The following SPIDR variants were observed in gnomAD, a reference collection of about 807,000 sequenced individuals.
SPIDR encodes the protein scaffold protein involved in DNA repair, also known as DNA repair-scaffolding protein.
SPIDR carries 93 observed loss-of-function variants against 104.6 expected under a neutral mutation model. The observed-to-expected ratio is 0.89, with a 90% CI of 0.75 to 1.06. The LOEUF (loss-of-function observed/expected upper bound fraction) is 1.06. Among genes scored for constraint, SPIDR ranks in the 50% least tolerant of loss-of-function variants. The probability of loss-of-function intolerance (pLI) is 0.00; values close to 1 mark genes in which losing one functional copy is unlikely to be tolerated. For synonymous variants in SPIDR, 431 were observed against 416.9 expected (o/e 1.03, Z -0.41); for missense variants, 1,154 against 1,111.2 (o/e 1.04, Z -0.55).
chr8:47,506,416 A>C (rs1212165636), intron 8 of SPIDR, among the ~76,000 whole-genome samples: 4 of 152,170 alleles, frequency 2.6e-5, no homozygotes, highest in Non-Finnish European at 5.9e-5. Context: ...AGTTGGTTCC[A>C]CCAGTGCAGG....
intron 1 of SPIDR, among the ~76,000 whole-genome samples, chr8:47,279,621 G>T (rs1202420664): frequency 2.0e-5 from 3 of 152,140 alleles, no homozygotes; most frequent in Non-Finnish European, 4.4e-5. Flanking sequence ...CCAGACTTTG[G>T]AGGGTTGGTG....
rs1320665235 is a variant in SPIDR, at chr8:47,465,027, G to A, written c.1097+24485G>A. Among the ~76,000 whole-genome samples, 36 of 152,136 alleles carry A rather than the reference G, an allele frequency of 2.4e-4. 1 individual carries two copies. The highest frequency in any genetic ancestry group is 2.4e-3 in the Admixed American group (36 of 15,280). ...GATCCACCTGCCTCGGCCTCCCAAA[G>A]TGCTAGGATTATGGGCATGAGCCAC... On this transcript the variant is annotated intron_variant, in intron 8 of 19. Transcript: ENST00000297423.
chr8:47,414,842 C>T lies in SPIDR; in HGVS notation c.877+6881C>T, dbSNP rs553984541. On this transcript the variant is annotated intron_variant, in intron 7 of 19. Transcript: ENST00000297423. ...TTTTTATTTTTCTGGGATAAATGATCAAATGATTTAAAATGTTGGAATGTC... is the reference window on the plus strand; with the variant it reads ...TTTTTATTTTTCTGGGATAAATGATTAAATGATTTAAAATGTTGGAATGTC... Among the ~76,000 whole-genome samples, 16 of 152,212 alleles carry T rather than the reference C, an allele frequency of 1.1e-4. No individual in the cohort carries two copies. In the South Asian group the frequency reaches 3.3e-3, roughly 32 times the overall value.
intron 8 of SPIDR, among the ~76,000 whole-genome samples, chr8:47,478,550 C>G (rs782523042): frequency 6.6e-6 from 1 of 152,128 alleles, no homozygotes; most frequent in Admixed American, 6.5e-5. Flanking sequence ...CAGCATGTGC[C>G]GGAACACAGC....
intron 5 of SPIDR, among the ~76,000 whole-genome samples, chr8:47,321,209 C>A (rs1554595107): frequency 6.6e-6 from 1 of 152,130 alleles, no homozygotes; most frequent in Non-Finnish European, 1.5e-5. Context: ...CGTCTCAGCC[C>A]AAAATCTCCT....
intron 11 of SPIDR, among the ~76,000 whole-genome samples, chr8:47,685,502 T>C (rs1390540701): frequency 7.6e-6 from 1 of 131,908 alleles, no homozygotes; most frequent in Non-Finnish European, 1.7e-5. Flanking sequence ...TATTTATTTA[T>C]TTATTTATTT....
chr8:47,661,622 G>A (rs146658006), intron 10 of SPIDR, among the ~76,000 whole-genome samples: 2 of 152,354 alleles, frequency 1.3e-5, no homozygotes, highest in African/African-American at 2.4e-5. Flanking sequence ...AGCTTACTAA[G>A]GATCGTGCTG....
intron 8 of SPIDR, among the ~76,000 whole-genome samples, chr8:47,468,624 G>C (rs1343936392): frequency 2.6e-5 from 4 of 152,196 alleles, no homozygotes; most frequent in African/African-American, 9.7e-5. Context: ...TTCAATAAAT[G>C]GTGTTGGGAT....
chr8:47,316,358 A>G lies in SPIDR; in HGVS notation c.525+22328A>G, dbSNP rs182084379. On this transcript the variant is annotated intron_variant, in intron 5 of 19. Coordinates refer to ENST00000297423, the MANE Select transcript of SPIDR (RefSeq NM_001080394.4). ...GTTTTTCTACCCTAACCCATGACTT[A>G]GCAATTCTACTCCTAGTTATTTACT... Among the ~76,000 whole-genome samples, 1,489 of 152,344 alleles carry G rather than the reference A, an allele frequency of 9.8e-3. 12 individuals carry two copies. The highest frequency in any genetic ancestry group is 0.044 in the Middle Eastern group (13 of 294).
intron 1 of SPIDR, among the ~76,000 whole-genome samples, chr8:47,277,515 A>G (rs1302712825): frequency 2.0e-5 from 3 of 149,340 alleles, no homozygotes; most frequent in African/African-American, 7.4e-5. Flanking sequence ...ACAGATGAAC[A>G]TTCCCACCCC....
intron 7 of SPIDR, among the ~76,000 whole-genome samples, chr8:47,414,802 T>C (rs1174264342): frequency 3.9e-5 from 6 of 152,240 alleles, no homozygotes; most frequent in African/African-American, 1.2e-4. Flanking sequence ...ATACCAGTTT[T>C]TGAGTGAACA....
intron 14 of SPIDR, among the ~76,000 whole-genome samples, chr8:47,709,542 C>T (rs760600378): frequency 2.6e-5 from 4 of 152,216 alleles, no homozygotes; most frequent in Non-Finnish European, 4.4e-5. Flanking sequence ...TCCCAAAGTG[C>T]TGGGATTACA....
intron 5 of SPIDR, among the ~76,000 whole-genome samples, chr8:47,334,390 G>A (rs1250198148): frequency 6.6e-6 from 1 of 152,132 alleles, no homozygotes; most frequent in Non-Finnish European, 1.5e-5. Context: ...TATGATAGTG[G>A]ACTAATTTAT....
chr8:47,616,895 A>G (rs2064392230), intron 10 of SPIDR, among the ~76,000 whole-genome samples: 1 of 152,162 alleles, frequency 6.6e-6, no homozygotes, highest in Non-Finnish European at 1.5e-5. Flanking sequence ...GCAGCACCCC[A>G]TTCGTGATAG....
At chr8:47,422,829 A>G (rs2065781246) in intron 7 of SPIDR, among the ~76,000 whole-genome samples, 1 of 152,140 alleles carries the variant, frequency 6.6e-6, no homozygotes, top group Non-Finnish European at 1.5e-5. Flanking sequence ...TGTGGATGTC[A>G]GTTTTTCCTT....
At chr8:47,539,365 G>T (rs1418634743) in intron 8 of SPIDR, among the ~76,000 whole-genome samples, 1 of 152,142 alleles carries the variant, frequency 6.6e-6, no homozygotes, top group African/African-American at 2.4e-5. Context: ...TGGGTATGCA[G>T]TGCCCAGAGC....
At position 47,503,020 on chromosome 8, in the gene SPIDR, C is replaced by G. The variant is rs569161855; in HGVS notation, c.1097+62478C>G. Among the ~76,000 whole-genome samples, 58 of 152,152 alleles carry G rather than the reference C, an allele frequency of 3.8e-4. No individual in the cohort carries two copies. The South Asian group carries it at 6.9e-3, about 18-fold the overall frequency. On this transcript the variant is annotated intron_variant, in intron 8 of 19. Transcript: ENST00000297423. ...TGAGAGAGAGTTTGTTATAATTTCT[C>G]TTCTTTTACATTTGCTGAGGAGTGC...
intron 10 of SPIDR, among the ~76,000 whole-genome samples, chr8:47,653,289 C>T (rs769319356): frequency 6.6e-6 from 1 of 152,168 alleles, no homozygotes; most frequent in East Asian, 1.9e-4. Context: ...GTGTCTTGTT[C>T]CTTACTCTAT....
chr8:47,325,096 G>A (rs975464340), intron 5 of SPIDR, among the ~76,000 whole-genome samples: 1 of 152,140 alleles, frequency 6.6e-6, no homozygotes, highest in African/African-American at 2.4e-5. Flanking sequence ...GAGGACCTGA[G>A]ACTTTCAGTG....
Sources: allele counts gnomAD v4.1 joint callset (sites outside exome capture counted in the v4.1 genomes callset), GRCh38; gene constraint gnomAD v4.1.1; transcripts MANE v1.5; gene names NCBI Gene and HGNC (gene_info 2026-07-23, HGNC 2026-07-21).